ETNK1: variants seen among roughly 807,000 people sequenced by gnomAD.
ETNK1 encodes ethanolamine kinase 1, also known as putative protein product of Nbla10396.
A neutral mutation model predicts 45.1 loss-of-function variants in ETNK1; 8 were observed. That is an observed-to-expected ratio of 0.18 (90% CI 0.10 to 0.32). ETNK1 has a LOEUF of 0.32. ETNK1 is among the 10% of genes least tolerant of loss of function. The probability of loss-of-function intolerance (pLI) is 1.00; values close to 1 mark genes in which losing one functional copy is unlikely to be tolerated. For missense variants in ETNK1, 302 were observed against 430.6 expected (o/e 0.70, Z 2.64); for synonymous variants, 152 against 151.9 (o/e 1.00, Z -0.01).
intron 2 of ETNK1, among the ~76,000 whole-genome samples, chr12:22,652,136 A>C (rs556103484): frequency 6.6e-6 from 1 of 152,156 alleles, no homozygotes; most frequent in East Asian, 1.9e-4. Flanking sequence ...GGCTTATTTC[A>C]CTTAGCATGA....
intron 3 of ETNK1, among the ~76,000 whole-genome samples, chr12:22,659,649 C>T (rs1035682906): frequency 6.6e-6 from 1 of 152,032 alleles, no homozygotes; most frequent in Non-Finnish European, 1.5e-5. Context: ...AGTATATTAA[C>T]CATATAGAGT....
intron 2 of ETNK1, among the ~76,000 whole-genome samples, chr12:22,652,861 C>T (rs541635809): frequency 5.3e-5 from 8 of 152,178 alleles, no homozygotes; most frequent in African/African-American, 1.7e-4. Context: ...TTTATTTTTA[C>T]TTTTGTTGCC....
At position 22,647,992 on chromosome 12, in the gene ETNK1, A is replaced by G. The variant is rs77813413; in HGVS notation, c.416+3970A>G. ...ATGATTTTTAATTACCTTCTTATAT[A>G]TACAAAACATAAATTAATGATTATT... On this transcript the variant is annotated intron_variant, in intron 2 of 7. Transcript: ENST00000266517. Among the ~76,000 whole-genome samples the G allele has an allele frequency of 8.7e-3, 1,326 of 152,076 alleles. 22 individuals are homozygous for G. Among genetic ancestry groups the G allele is most frequent in the African/African-American group, 0.031 (1,274 of 41,550 alleles).
chr12:22,653,431 G>A (rs1017627063), intron 2 of ETNK1, among the ~76,000 whole-genome samples: 6 of 152,120 alleles, frequency 3.9e-5, no homozygotes, highest in African/African-American at 1.4e-4. Flanking sequence ...CACTGAATCT[G>A]TGGATCACTT....
At chr12:22,679,950 C>G (rs578173185) in intron 6 of ETNK1, among the ~76,000 whole-genome samples, 3 of 152,304 alleles carry the variant, frequency 2.0e-5, no homozygotes, top group Admixed American at 2.0e-4. Flanking sequence ...CCTCGGCCTC[C>G]CCGAGTGTTG....
chr12:22,650,433 A>G lies in ETNK1; in HGVS notation c.416+6411A>G, dbSNP rs1953860701. Among the ~76,000 whole-genome samples, 3 of 151,930 alleles carry G rather than the reference A, an allele frequency of 2.0e-5. No homozygotes were observed. The South Asian group carries it at 6.2e-4, about 31-fold the overall frequency. On this transcript the variant is annotated intron_variant, in intron 2 of 7. Transcript: ENST00000266517. ...GTAGTTTTTTTTGTAGATATTCTTT[A>G]TCAGATTGAAGATACTCTCTCTTTA...
At position 22,651,122 on chromosome 12, in the gene ETNK1, A is replaced by C. The variant is rs1428666369; in HGVS notation, c.416+7100A>C. On this transcript the variant is annotated intron_variant, in intron 2 of 7. Transcript: ENST00000266517. Reference sequence around the variant, plus strand: ...GGTTGCCAGTTCTGTGGTGTAATGTACAGGGTTTTATAGATTAACTTGAGG... The same window carrying C: ...GGTTGCCAGTTCTGTGGTGTAATGTCCAGGGTTTTATAGATTAACTTGAGG... Among the ~76,000 whole-genome samples, 2 of 152,306 alleles carry C rather than the reference A, an allele frequency of 1.3e-5. 1 individual carries two copies. The highest frequency in any genetic ancestry group is 2.9e-5 in the Non-Finnish European group (2 of 68,030).
At chr12:22,652,771 T>G (rs1953894913) in intron 2 of ETNK1, among the ~76,000 whole-genome samples, 1 of 152,190 alleles carries the variant, frequency 6.6e-6, no homozygotes, top group African/African-American at 2.4e-5. Context: ...TCCAAATATT[T>G]TATCTCATTC....
At chr12:22,671,410 C>T in intron 5 of ETNK1, 55 bp downstream of exon 5, 1 of 1,157,738 alleles carries the variant, frequency 8.6e-7, no homozygotes, top group Non-Finnish European at 1.3e-6. Context: ...CAGAATATTT[C>T]ATTCTTTTTT....
At chr12:22,684,190 A>G (rs1954238417) in intron 6 of ETNK1, among the ~76,000 whole-genome samples, 1 of 152,148 alleles carries the variant, frequency 6.6e-6, no homozygotes, top group South Asian at 2.1e-4. Flanking sequence ...ACTAACATCT[A>G]TCAGTGCTGA....
chr12:22,629,536 A>T (rs1346629158), intron 1 of ETNK1, among the ~76,000 whole-genome samples: 1 of 152,132 alleles, frequency 6.6e-6, no homozygotes, highest in Non-Finnish European at 1.5e-5. Flanking sequence ...TTGATAGTTG[A>T]TATTTTATAT....
intron 1 of ETNK1, among the ~76,000 whole-genome samples, chr12:22,628,180 G>GTAGTACCT (rs1953530589): frequency 6.6e-6 from 1 of 152,046 alleles, no homozygotes; most frequent in African/African-American, 2.4e-5. Flanking sequence ...TATCCTGTGA[G>GTAGTACCT]GTAGATGTAG....
intron 6 of ETNK1, among the ~76,000 whole-genome samples, chr12:22,684,160 C>G (rs73082503): frequency 2.6e-5 from 4 of 152,198 alleles, no homozygotes; most frequent in Non-Finnish European, 5.9e-5. Flanking sequence ...AGCCTGTTAG[C>G]AATTATAACC....
intron 4 of ETNK1, among the ~76,000 whole-genome samples, chr12:22,670,455 T>C (rs1299879302): frequency 3.9e-5 from 6 of 152,244 alleles, no homozygotes; most frequent in Middle Eastern, 6.8e-3. Context: ...GCAAATCCTT[T>C]ATAATATTCA....
intron 4 of ETNK1, among the ~76,000 whole-genome samples, chr12:22,663,400 T>C (rs1954025958): frequency 6.6e-6 from 1 of 152,202 alleles, no homozygotes; most frequent in Admixed American, 6.5e-5. Flanking sequence ...TAGAATATAA[T>C]TTTAAACTTT....
chr12:22,685,089 C>T lies in ETNK1; in HGVS notation c.*135C>T, dbSNP rs1482017491. Reference sequence around the variant, plus strand: ...TTGCTTTATAAATTATGCCTCTAAACAATCAAATCTATTTTTGAAATAGAC... The same window carrying T: ...TTGCTTTATAAATTATGCCTCTAAATAATCAAATCTATTTTTGAAATAGAC... On this transcript the variant is annotated 3_prime_UTR_variant, in exon 8 of 8. Coordinates refer to ENST00000266517, the MANE Select transcript of ETNK1 (RefSeq NM_018638.5). The T allele has an allele frequency of 3.4e-6, 2 of 583,532 alleles. No homozygotes were observed. The highest frequency in any genetic ancestry group is 5.9e-6 in the Non-Finnish European group (2 of 339,554). 36.1% of individuals were successfully genotyped at this position (583,532 alleles called of 1,614,324 possible).
At chr12:22,645,324 A>G (rs1485963928) in intron 2 of ETNK1, among the ~76,000 whole-genome samples, 3 of 151,828 alleles carry the variant, frequency 2.0e-5, no homozygotes, top group African/African-American at 7.2e-5. Flanking sequence ...TTTCCTTGTA[A>G]CTAAAGCAGA....
chr12:22,669,244 G>T (rs1392174315), intron 4 of ETNK1, among the ~76,000 whole-genome samples: 1 of 151,876 alleles, frequency 6.6e-6, no homozygotes, highest in Non-Finnish European at 1.5e-5. Flanking sequence ...TGATAGTTTT[G>T]TATAGGGAAT....
At chr12:22,662,267 T>A (rs1196654838) in intron 4 of ETNK1, among the ~76,000 whole-genome samples, 10 of 147,436 alleles carry the variant, frequency 6.8e-5, no homozygotes, top group African/African-American at 1.5e-4. Context: ...TTTTTTTTTT[T>A]AGAAGAGATA....
Sources: gnomAD v4.1 joint callset for allele counts (sites outside exome capture counted in the v4.1 genomes callset) on GRCh38, gnomAD v4.1.1 for gene constraint, MANE v1.5 for transcripts, NCBI Gene and HGNC (gene_info 2026-07-23, HGNC 2026-07-21) for gene names.